Variants in KLHL11 observed in about 807,000 individuals in gnomAD.
KLHL11 encodes kelch-like protein 11.
In KLHL11, 26 loss-of-function variants were observed where a neutral mutation model predicts 56.1. The observed-to-expected ratio is 0.46, with a 90% CI of 0.34 to 0.64. The LOEUF (loss-of-function observed/expected upper bound fraction) is 0.64. Among genes scored for constraint, KLHL11 ranks in the 30% least tolerant of loss-of-function variants. The probability of loss-of-function intolerance (pLI) is 0.01; values close to 1 mark genes in which losing one functional copy is unlikely to be tolerated. For synonymous variants in KLHL11, 338 were observed against 345.8 expected (o/e 0.98, Z 0.25); for missense variants, 627 against 919.4 (o/e 0.68, Z 4.11).
chr17:41,865,396 A>G lies in KLHL11; in HGVS notation c.-26T>C, dbSNP rs1172429286. Reference sequence around the variant, plus strand: ...CTTGACGCCGCTGCGCCCGGCCTCCACAGCCTCGGAACGATGCGGCTGTTG... The same window carrying G: ...CTTGACGCCGCTGCGCCCGGCCTCCGCAGCCTCGGAACGATGCGGCTGTTG... On this transcript the variant is annotated 5_prime_UTR_variant, in exon 1 of 2. Transcript: ENST00000319121. 1.5e-6 allele frequency: 2 copies of G among 1,316,094 alleles called. No homozygotes were observed. The highest frequency in any genetic ancestry group is 2.0e-6 in the Non-Finnish European group (2 of 1,005,362). The allele number at this position is 1,316,094 out of a possible 1,614,324, so 81.5% of individuals were successfully genotyped here. A position where few individuals can be genotyped will look rare whatever the true frequency, so the allele number is the denominator to read the frequency against.
Position 41,865,409 on chromosome 17 carries a change from G to A in KLHL11, c.-39C>T, listed in dbSNP as rs1464467193. ...CGCCCGGCCTCCACAGCCTCGGAAC[G>A]ATGCGGCTGTTGGTACGACACAGAG... On this transcript the variant is annotated 5_prime_UTR_variant, in exon 1 of 2. Transcript: ENST00000319121. 2.3e-5 allele frequency: 28 copies of A among 1,238,024 alleles called. No homozygotes were observed. The highest frequency in any genetic ancestry group is 2.8e-5 in the Non-Finnish European group (26 of 938,738). 76.7% of individuals were successfully genotyped at this position (1,238,024 alleles called of 1,614,324 possible).
At chr17:41,859,579 AC>A (rs1253565302) in intron 1 of KLHL11, among the ~76,000 whole-genome samples, 1 of 151,226 alleles carries the variant, frequency 6.6e-6, no homozygotes. Flanking sequence ...AAAACAAAAA[AC>A]AAAACAACAA....
At chr17:41,857,810 G>A (rs1477507693) in intron 1 of KLHL11, among the ~76,000 whole-genome samples, 21 of 151,886 alleles carry the variant, frequency 1.4e-4, no homozygotes, top group African/African-American at 5.1e-4. Context: ...TGTCTGGCTG[G>A]AGGTTTTTCT....
chr17:41,861,468 G>A (rs1339238256), intron 1 of KLHL11, among the ~76,000 whole-genome samples: 2 of 152,060 alleles, frequency 1.3e-5, no homozygotes, highest in African/African-American at 4.8e-5. Flanking sequence ...GGGAGGCCAA[G>A]GCGGGTCAGG....
intron 1 of KLHL11, among the ~76,000 whole-genome samples, chr17:41,856,450 A>G (rs1555622565): frequency 6.6e-6 from 1 of 152,196 alleles, no homozygotes; most frequent in African/African-American, 2.4e-5. Context: ...GCCTATGGTC[A>G]CATTTCGAGA....
chr17:41,858,504 C>T (rs2048382539), intron 1 of KLHL11, among the ~76,000 whole-genome samples: 1 of 151,792 alleles, frequency 6.6e-6, no homozygotes, highest in African/African-American at 2.4e-5. Flanking sequence ...ACAATCTTGG[C>T]TCACTGCAAC....
chr17:41,860,601 A>G (rs1487269904), intron 1 of KLHL11, among the ~76,000 whole-genome samples: 1 of 152,104 alleles, frequency 6.6e-6, no homozygotes, highest in Non-Finnish European at 1.5e-5. Flanking sequence ...AAATCTGACA[A>G]ACTCAAGATG....
Position 41,853,756 on chromosome 17 carries a change from G to A in KLHL11, c.2111C>T (p.Ser704Phe). 1.9e-6 allele frequency: 3 copies of A among 1,610,250 alleles called. No homozygotes were observed. Among genetic ancestry groups the A allele is most frequent in the South Asian group, 1.1e-5 (1 of 90,876 alleles). ...HALNMRRVPSSQIEC is the reference protein window; with the variant it reads ...HALNMRRVPSFQIEC ...TGAGAGAACCTAGCATTCAATCTGA[G>A]AGCTTGGCACTCGCCTCATGTTCAG... The change falls in exon 2 of 2, where the codon TCT becomes TTT. Residue 704 changes from serine to phenylalanine, a missense_variant. Ser to Phe is a radical substitution (Grantham distance 155). This residue lies in a region of KLHL11 where 250 missense variants were observed against 360.6 expected (regional missense o/e 0.69). Coordinates refer to ENST00000319121, the MANE Select transcript of KLHL11 (RefSeq NM_018143.3).
rs1567876394 is a variant in KLHL11, at chr17:41,865,077, CAGGGT to C, written c.289_293del (p.Thr97ValfsTer112). On this transcript the variant is annotated frameshift_variant, in exon 1 of 2. Coordinates refer to ENST00000319121, the MANE Select transcript of KLHL11 (RefSeq NM_018143.3). LOFTEE classifies it high-confidence loss of function. Reference sequence around the variant, plus strand: ...CGCGGCCTCCAGCCCCGCCGAAGCACAGGGTAATGTCGCAGAAGAGGCCCTGGCGC... The same window carrying C: ...CGCGGCCTCCAGCCCCGCCGAAGCACAATGTCGCAGAAGAGGCCCTGGCGC... 6.3e-7 allele frequency: 1 copy of C among 1,598,288 alleles called. No individual in the cohort carries two copies. Among genetic ancestry groups the C allele is most frequent in the South Asian group, 1.1e-5 (1 of 89,688 alleles).
Position 41,855,308 on chromosome 17 carries a change from G to C in KLHL11, c.559C>G (p.Arg187Gly), listed in dbSNP as rs1010439082. The C allele has an allele frequency of 6.4e-7, 1 of 1,559,264 alleles. No individual in the cohort carries two copies. The change falls in exon 2 of 2, where the codon CGT (arginine) becomes GGT (glycine). Residue 187 changes from arginine (R) to glycine (G), a missense_variant. Around this residue, in one of 4 missense-constraint regions of KLHL11, gnomAD observed 150 missense variants for 215.7 expected, o/e 0.70. Coordinates refer to ENST00000319121, the MANE Select transcript of KLHL11 (RefSeq NM_018143.3). ...LELADRFLLI[R>G]LKEFCGEFLK... The stretch of plus-strand genomic sequence containing the variant: ...AATTCTCCACAAAATTCTTTTAAAC[G>C]AATGAGTAGGAACCTAAAATCAAGA...
chr17:41,859,313 C>T (rs1597949667), intron 1 of KLHL11, among the ~76,000 whole-genome samples: 2 of 152,238 alleles, frequency 1.3e-5, no homozygotes, highest in South Asian at 2.1e-4. Flanking sequence ...CCTATAATCC[C>T]AACACTTTGG....
In KLHL11 at chr17:41,855,263, G is replaced by T; in HGVS notation, c.604C>A (p.Leu202Ile). The T allele has an allele frequency of 6.2e-7, 1 of 1,603,936 alleles. No individual in the cohort carries two copies. The change falls in exon 2 of 2, where the codon CTC becomes ATC. Residue 202 changes from leucine to isoleucine, a missense_variant. Leu to Ile is a conservative substitution (Grantham distance 5). Coordinates refer to ENST00000319121, the MANE Select transcript of KLHL11 (RefSeq NM_018143.3). ...CGEFLKKKLH[L>I]SNCVAIHSLA... is the part of the protein sequence containing the mutation. ...CTATGAATTGCCACACAATTTGAGAGATGAAGTTTTTTCTTGAGAAATTCT... is the reference window on the plus strand; with the variant it reads ...CTATGAATTGCCACACAATTTGAGATATGAAGTTTTTTCTTGAGAAATTCT...
In KLHL11 at chr17:41,864,823, T is replaced by C. The variant is rs782202821; in HGVS notation, c.545+3A>G. The C allele has an allele frequency of 6.7e-7, 1 of 1,497,938 alleles. No individual in the cohort carries two copies. Among genetic ancestry groups the C allele is most frequent in the Non-Finnish European group, 8.9e-7 (1 of 1,120,342 alleles). The allele number at this position is 1,497,938 out of a possible 1,614,324, so 92.8% of individuals were successfully genotyped here. On this transcript the variant is annotated splice_donor_region_variant and intron_variant, in intron 1 of 1. Transcript: ENST00000319121. ...CCTCCGCGCTCCCGCCTCCCTCGCC[T>C]ACCTGTCGGCCAACTCCAGCACCTC...
chr17:41,854,550 C>T lies in KLHL11; in HGVS notation c.1317G>A (p.Leu439=). Residue 439 remains leucine (L), a synonymous_variant, in exon 2 of 2, where the codon CTG becomes CTA. Coordinates refer to ENST00000319121, the MANE Select transcript of KLHL11 (RefSeq NM_018143.3). The surrounding 1 kb of genome is among the most constrained non-coding windows in gnomAD (Gnocchi z 4.9). ...GTCCAAAAGAATGCTTTCTTGTCAT[C>T]AGACTACAAACATGTTCCCATGTAT... ...NLNTWEHVCS[L]MTRKHSFGLT... is the part of the protein sequence containing the mutation. The T allele has an allele frequency of 6.2e-7, 1 of 1,614,212 alleles. No individual in the cohort carries two copies.
intron 1 of KLHL11, among the ~76,000 whole-genome samples, chr17:41,856,819 C>G (rs1177136898): frequency 6.6e-6 from 1 of 151,400 alleles, no homozygotes; most frequent in Admixed American, 6.6e-5. Flanking sequence ...GAGTTTGAGA[C>G]CAGGCTGGCC....
Position 41,853,951 on chromosome 17 carries a change from T to C in KLHL11, c.1916A>G (p.Lys639Arg), listed in dbSNP as rs782429391. ...CATAGGAGGAAGAAGCATCCACCTCTTCCTCTCCGCACAATATCGGTAGGC... is the reference window on the plus strand; with the variant it reads ...CATAGGAGGAAGAAGCATCCACCTCCTCCTCTCCGCACAATATCGGTAGGC... ...KEAYRYCAER[K>R]RWMLLPPMPQ... is the part of the protein sequence containing the mutation. The change falls in exon 2 of 2, where the codon AAG becomes AGG. Residue 639 changes from lysine (K) to arginine (R), a missense_variant. Transcript: ENST00000319121. 1 of 1,614,214 alleles carries C rather than the reference T, an allele frequency of 6.2e-7. No homozygotes were observed. The highest frequency in any genetic ancestry group is 1.7e-5 in the Admixed American group (1 of 60,020).
At chr17:41,855,386 T>C (rs1895202702) in intron 1 of KLHL11, 65 bp from the exon 2 acceptor site, 1 of 1,304,420 alleles carries the variant, frequency 7.7e-7, no homozygotes, top group South Asian at 1.5e-5. Context: ...GGTTACTTTT[T>C]TCTTTTTTTT....
Position 41,855,333 on chromosome 17 carries a change from A to G in KLHL11, c.546-12T>C. Reference sequence around the variant, plus strand: ...GAATGAGTAGGAACCTAAAATCAAGAAAAAGAGAAAAGATTAATTTTTCAA... The same window carrying G: ...GAATGAGTAGGAACCTAAAATCAAGGAAAAGAGAAAAGATTAATTTTTCAA... On this transcript the variant is annotated splice_polypyrimidine_tract_variant and intron_variant, in intron 1 of 1. Transcript: ENST00000319121. 2.0e-6 allele frequency: 3 copies of G among 1,506,130 alleles called. No individual in the cohort carries two copies. In the South Asian group the frequency reaches 3.6e-5, roughly 18 times the overall value. 93.3% of individuals were successfully genotyped at this position (1,506,130 alleles called of 1,614,324 possible). A position where few individuals can be genotyped will look rare whatever the true frequency, so the allele number is the denominator to read the frequency against.
At chr17:41,864,798 C>T (rs1228251344) in intron 1 of KLHL11, 28 bp downstream of exon 1, 1 of 1,486,598 alleles carries the variant, frequency 6.7e-7, no homozygotes, top group African/African-American at 1.4e-5. Context: ...CGCCCGCCGC[C>T]CTCCGCGCTC....
Sources: gnomAD v4.1 joint callset for allele counts (sites outside exome capture counted in the v4.1 genomes callset) on GRCh38, gnomAD v4.1.1 for gene constraint, gnomAD v4.1.1 regional missense constraint, Gnocchi (gnomAD v3.1) non-coding constraint, MANE v1.5 for transcripts, NCBI Gene and HGNC (gene_info 2026-07-23, HGNC 2026-07-21) for gene names.